The following C3AR1 variants were observed in gnomAD, a reference collection of about 807,000 sequenced individuals.
C3AR1 encodes the protein complement C3a receptor 1.
For synonymous variants in C3AR1, 208 were observed against 225.3 expected, an observed-to-expected ratio of 0.92 and a Z score of 0.69; for missense variants, 579 against 583.5, an observed-to-expected ratio of 0.99 and a Z score of 0.08.
chr12:8,064,499 A>G (rs1286683797), intron 1 of C3AR1, among the ~76,000 whole-genome samples: 1 of 152,138 alleles, frequency 6.6e-6, no homozygotes, highest in Non-Finnish European at 1.5e-5. Flanking sequence ...AGACCAGCCT[A>G]TCCAACATGG....
chr12:8,059,528 C>G lies in C3AR1; in HGVS notation c.658G>C (p.Asp220His). The G allele has an allele frequency of 6.2e-7, 1 of 1,614,168 alleles. No individual in the cohort carries two copies. Among genetic ancestry groups the G allele is most frequent in the South Asian group, 1.1e-5 (1 of 91,072 alleles). Reference protein sequence around the residue: ...RLDPSSFQTNDHPWTVPTVFQ... With the variant: ...RLDPSSFQTNHHPWTVPTVFQ... ...ACAGTGGGGACTGTCCAAGGATGAT[C>G]ATTTGTTTGGAAAGAGGAAGGATCT... Residue 220 changes from aspartate (D) to histidine (H), a missense_variant, in exon 2 of 2, where the codon GAT (aspartate) becomes CAT (histidine). By Grantham distance (81) the Asp-to-His change is moderately conservative. Transcript: ENST00000307637.
At chr12:8,063,819 C>T (rs184204198) in intron 1 of C3AR1, among the ~76,000 whole-genome samples, 35 of 152,200 alleles carry the variant, frequency 2.3e-4, no homozygotes, top group East Asian at 1.5e-3. Flanking sequence ...TGCCTGTAAT[C>T]GCAGCACTTT....
In C3AR1 at chr12:8,059,599, G is replaced by A. The variant is rs369087597; in HGVS notation, c.587C>T (p.Ser196Phe). 12 of 1,614,000 alleles carry A rather than the reference G, an allele frequency of 7.4e-6. No homozygotes were observed. The highest frequency in any genetic ancestry group is 2.2e-5 in the East Asian group (1 of 44,900). ...DFYGDPLENR[S>F]LENIVQPPGE... ...AGGCGGCTGAACAATGTTTTCAAGAGACCTGTTTTCTAGTGGATCTCCATA... is the reference window on the plus strand; with the variant it reads ...AGGCGGCTGAACAATGTTTTCAAGAAACCTGTTTTCTAGTGGATCTCCATA... The change falls in exon 2 of 2, where the codon TCT becomes TTT. Residue 196 changes from serine (S) to phenylalanine (F), a missense_variant. Transcript: ENST00000307637.
intron 1 of C3AR1, among the ~76,000 whole-genome samples, chr12:8,065,254 G>T (rs1384044125): frequency 1.3e-5 from 2 of 151,918 alleles, no homozygotes; most frequent in Non-Finnish European, 2.9e-5. Flanking sequence ...ACTGCAAACA[G>T]CAAAATTTTA....
At chr12:8,060,555 T>G (rs897586014) in intron 1 of C3AR1, among the ~76,000 whole-genome samples, 1 of 152,136 alleles carries the variant, frequency 6.6e-6, no homozygotes, top group Admixed American at 6.5e-5. Flanking sequence ...CCACCACGCC[T>G]GGCTAATTTT....
At chr12:8,065,148 C>CAA (rs34054766) in intron 1 of C3AR1, among the ~76,000 whole-genome samples, 1,555 of 129,798 alleles carry the variant, frequency 0.012, 31 homozygotes, top group African/African-American at 0.037. Flanking sequence ...TTTTTACTAC[C>CAA]AAAAAAAAAA....
intron 1 of C3AR1, among the ~76,000 whole-genome samples, chr12:8,061,291 A>G (rs1007283234): frequency 6.6e-6 from 1 of 152,126 alleles, no homozygotes; most frequent in African/African-American, 2.4e-5. Flanking sequence ...ATAAAAATAT[A>G]CTCACTAGTC....
intron 1 of C3AR1, among the ~76,000 whole-genome samples, chr12:8,062,691 C>G (rs1469640050): frequency 6.6e-6 from 1 of 152,190 alleles, no homozygotes; most frequent in African/African-American, 2.4e-5. Flanking sequence ...GTTGCCCACG[C>G]TGGAGTGCAG....
Position 8,059,019 on chromosome 12 carries a change from G to C in C3AR1, c.1167C>G (p.Cys389Trp), listed in dbSNP as rs771691702. The change falls in exon 2 of 2, where the codon TGC (cysteine) becomes TGG (tryptophan). Residue 389 changes from cysteine (C) to tryptophan (W), a missense_variant. Coordinates refer to ENST00000307637, the MANE Select transcript of C3AR1 (RefSeq NM_004054.4). ...CTCCAAAAATGTGGTATGGAGTCCA[G>C]CAGACAAGAAAGACAGCCACCACCA... ...AVVVVAVFLV[C>W]WTPYHIFGVL... The C allele has an allele frequency of 7.4e-6, 12 of 1,614,082 alleles. No individual in the cohort carries two copies. In the African/African-American group the frequency reaches 1.2e-4, roughly 16 times the overall value.
Position 8,059,704 on chromosome 12 carries a change from C to T in C3AR1, c.482G>A (p.Arg161Gln), listed in dbSNP as rs1481399216. ...ATGGTTGTCTGTAGTGAAGATTTCC[C>T]GGTACACGAACACAGGAATGCACAT... is the stretch of plus-strand genomic sequence containing the variant. ...FVMCIPVFVY[R>Q]EIFTTDNHNR... The change falls in exon 2 of 2, where the codon CGG (arginine) becomes CAG (glutamine). Residue 161 changes from arginine (R) to glutamine (Q), a missense_variant. Transcript: ENST00000307637. The T allele has an allele frequency of 8.1e-6, 13 of 1,614,000 alleles. No homozygotes were observed. The highest frequency in any genetic ancestry group is 6.7e-5 in the African/African-American group (5 of 74,892).
chr12:8,062,781 T>C (rs1011314762), intron 1 of C3AR1, among the ~76,000 whole-genome samples: 1 of 151,778 alleles, frequency 6.6e-6, no homozygotes, highest in Non-Finnish European at 1.5e-5. Context: ...GTAGCTGGGA[T>C]TACAGGCATG....
At position 8,059,886 on chromosome 12, in the gene C3AR1, GGAGGGGAT is replaced by G; in HGVS notation, c.292_299del (p.Ile98HisfsTer17). 3.1e-6 allele frequency: 5 copies of G among 1,614,216 alleles called. No individual in the cohort carries two copies. The highest frequency in any genetic ancestry group is 4.2e-6 in the Non-Finnish European group (5 of 1,180,044). On this transcript the variant is annotated frameshift_variant, in exon 2 of 2. Transcript: ENST00000307637. LOFTEE classifies it low-confidence loss of function (END_TRUNC). Reference sequence around the variant, plus strand: ...TGGCAAACATGTTGAGGACAATGATGGAGGGGATGAGCTTGCATAGGAACCTGCCGTAG... The same window carrying G: ...TGGCAAACATGTTGAGGACAATGATGGAGCTTGCATAGGAACCTGCCGTAG...
rs751998644 is a variant in C3AR1 at position 8,059,603 on chromosome 12, T to C, written c.583A>G (p.Arg195Gly). 1 of 1,614,142 alleles carries C rather than the reference T, an allele frequency of 6.2e-7. No individual in the cohort carries two copies. Residue 195 changes from arginine (R) to glycine (G), a missense_variant, in exon 2 of 2, where the codon AGG becomes GGG. Physicochemically the swap from Arg to Gly is moderately radical, Grantham distance 125 (BLOSUM62 -2). Coordinates refer to ENST00000307637, the MANE Select transcript of C3AR1 (RefSeq NM_004054.4). ...PDFYGDPLEN[R>G]SLENIVQPPG... ...GGCTGAACAATGTTTTCAAGAGACC[T>C]GTTTTCTAGTGGATCTCCATAAAAG... is the stretch of plus-strand genomic sequence containing the variant.
rs1417633897 is a variant in C3AR1 at position 8,059,110 on chromosome 12, A to G, written c.1076T>C (p.Ile359Thr). The G allele has an allele frequency of 6.2e-7, 1 of 1,614,194 alleles. No individual in the cohort carries two copies. The highest frequency in any genetic ancestry group is 1.7e-5 in the Admixed American group (1 of 60,022). ...SVIMIACYSF[I>T]VFRMQRGRFA... ...GCGGCCCCTTTGCATTCGGAAGACA[A>G]TGAAGCTGTAACAGGCTATCATGAT... The change falls in exon 2 of 2, where the codon ATT (isoleucine) becomes ACT (threonine). Residue 359 changes from isoleucine (I) to threonine (T), a missense_variant. Ile to Thr is a moderately conservative substitution (Grantham distance 89, BLOSUM62 -1). Transcript: ENST00000307637.
Position 8,057,111 on chromosome 12 carries a change from A to G in C3AR1, c.*1626T>C, listed in dbSNP as rs183022019. Reference sequence around the variant, plus strand: ...ATGTCATTTTCTGTTTTTAGACTACATCATTGTATTTGGTTTAGATGAGGC... The same window carrying G: ...ATGTCATTTTCTGTTTTTAGACTACGTCATTGTATTTGGTTTAGATGAGGC... On this transcript the variant is annotated 3_prime_UTR_variant, in exon 2 of 2. Transcript: ENST00000307637. 2.8e-4 allele frequency among the ~76,000 whole-genome samples: 42 copies of G among 152,334 alleles called. No homozygotes were observed. The highest frequency in any genetic ancestry group is 6.8e-3 in the Middle Eastern group (2 of 292).
intron 1 of C3AR1, among the ~76,000 whole-genome samples, chr12:8,065,389 G>A (rs1035346261): frequency 6.6e-6 from 1 of 152,060 alleles, no homozygotes; most frequent in Non-Finnish European, 1.5e-5. Context: ...GGTGGCTCAC[G>A]CCTGTAATCC....
In C3AR1 at chr12:8,059,620, C is replaced by T. The variant is rs1947245587; in HGVS notation, c.566G>A (p.Gly189Glu). Residue 189 changes from glycine (G) to glutamate (E), a missense_variant, in exon 2 of 2, where the codon GGA (glycine) becomes GAA (glutamate). By Grantham distance (98) the Gly-to-Glu change is moderately conservative (BLOSUM62 -2). Coordinates refer to ENST00000307637, the MANE Select transcript of C3AR1 (RefSeq NM_004054.4). ...AAGAGACCTGTTTTCTAGTGGATCT[C>T]CATAAAAGTCTGGATAATCTAATGA... ...SSSLDYPDFY[G>E]DPLENRSLEN... 1.9e-6 allele frequency: 3 copies of T among 1,614,058 alleles called. No homozygotes were observed. Among genetic ancestry groups the T allele is most frequent in the Non-Finnish European group, 1.7e-6 (2 of 1,180,002 alleles).
Position 8,059,900 on chromosome 12 carries a change from T to C in C3AR1, c.286A>G (p.Lys96Glu). 5.6e-6 allele frequency: 9 copies of C among 1,614,074 alleles called. No homozygotes were observed. Among genetic ancestry groups the C allele is most frequent in the Non-Finnish European group, 7.6e-6 (9 of 1,180,020 alleles). Residue 96 changes from lysine (K) to glutamate (E), a missense_variant, in exon 2 of 2, where the codon AAG becomes GAG. By Grantham distance (56) the Lys-to-Glu change is moderately conservative (BLOSUM62 1). Coordinates refer to ENST00000307637, the MANE Select transcript of C3AR1 (RefSeq NM_004054.4). ...GQWPYGRFLC[K>E]LIPSIIVLNM... ...AGGACAATGATGGAGGGGATGAGCT[T>C]GCATAGGAACCTGCCGTAGGGCCAC... is the stretch of plus-strand genomic sequence containing the variant.
rs1947216130 is a variant in C3AR1, at chr12:8,058,340, T to A, written c.*397A>T. 6.1e-6 allele frequency: 1 copy of A among 163,282 alleles called. No individual in the cohort carries two copies. Among genetic ancestry groups the A allele is most frequent in the Non-Finnish European group, 1.3e-5 (1 of 74,866 alleles). The allele number at this position is 163,282 out of a possible 1,614,324, so 10.1% of individuals were successfully genotyped here. Reference sequence around the variant, plus strand: ...AGACTTAGACAATGCTAAGGAAAAATTTAATGATGGAAATATCGACAAATA... The same window carrying A: ...AGACTTAGACAATGCTAAGGAAAAAATTAATGATGGAAATATCGACAAATA... On this transcript the variant is annotated 3_prime_UTR_variant, in exon 2 of 2. Coordinates refer to ENST00000307637, the MANE Select transcript of C3AR1 (RefSeq NM_004054.4).
Sources: gnomAD v4.1 joint callset for allele counts (sites outside exome capture counted in the v4.1 genomes callset) on GRCh38, gnomAD v4.1.1 for gene constraint, MANE v1.5 for transcripts, NCBI Gene and HGNC (gene_info 2026-07-23, HGNC 2026-07-21) for gene names.